Variants in TLN2 observed in about 807,000 individuals in gnomAD.
The protein encoded by TLN2 is talin-2.
In TLN2, 118 loss-of-function variants were observed where a neutral mutation model predicts 294.7. That is an observed-to-expected ratio of 0.40 (90% CI 0.34 to 0.47). The LOEUF is 0.47. TLN2 is among the 20% of genes least tolerant of loss of function. TLN2 has a pLI of 0.84. For missense variants in TLN2, 3,083 were observed against 3,282.2 expected, an observed-to-expected ratio of 0.94 and a Z score of 1.48; for synonymous variants, 1,431 against 1,304.5, an observed-to-expected ratio of 1.10 and a Z score of -2.09.
chr15:62,470,840 C>G (rs2037427571), intron 1 of TLN2, among the ~76,000 whole-genome samples: 1 of 152,160 alleles, frequency 6.6e-6, no homozygotes. Context: ...GAGAACATAT[C>G]AAGACAAAAA....
intron 7 of TLN2, among the ~76,000 whole-genome samples, chr15:62,653,817 C>T (rs1228406679): frequency 6.6e-6 from 1 of 151,626 alleles, no homozygotes; most frequent in East Asian, 1.9e-4. Flanking sequence ...ATATACAAAT[C>T]ATGTTCACAT....
intron 9 of TLN2, among the ~76,000 whole-genome samples, chr15:62,672,495 T>C (rs1046097567): frequency 4.6e-5 from 7 of 152,322 alleles, no homozygotes; most frequent in African/African-American, 1.7e-4. Context: ...TGAGTCATGA[T>C]TGGCCATGAG....
chr15:62,685,484 T>A (rs1347229196), intron 11 of TLN2, among the ~76,000 whole-genome samples: 2 of 152,176 alleles, frequency 1.3e-5, no homozygotes, highest in Non-Finnish European at 2.9e-5. Flanking sequence ...AACTTTTTTT[T>A]AAACTAAATT....
At chr15:62,744,613 C>T (rs2061512653) in intron 32 of TLN2, among the ~76,000 whole-genome samples, 4 of 151,986 alleles carry the variant, frequency 2.6e-5, no homozygotes, top group African/African-American at 9.7e-5. Flanking sequence ...GAGGCGCGAT[C>T]TCGGCTCACT....
intron 11 of TLN2, chr15:62,682,776 T>G (rs2056948471): frequency 6.6e-6 from 1 of 152,172 alleles, no homozygotes; most frequent in African/African-American, 2.4e-5. Context: ...ATGACCAGCA[T>G]AAAATCTTGT....
intron 1 of TLN2, among the ~76,000 whole-genome samples, chr15:62,573,775 C>CTTT (rs58692120): frequency 2.5e-4 from 36 of 145,110 alleles, no homozygotes; most frequent in African/African-American, 6.8e-4. Flanking sequence ...CTTCCTTTTT[C>CTTT]TTTTTTTTTT....
chr15:62,720,000 C>T, intron 25 of TLN2, 120 bp downstream of exon 25: 2 of 678,588 alleles, frequency 2.9e-6, no homozygotes, highest in Non-Finnish European at 4.5e-6. Flanking sequence ...GTAGGCAGGG[C>T]TTGAAGGCCT....
chr15:62,690,454 C>T (rs1251223549), intron 12 of TLN2: 5 of 146,274 alleles, frequency 3.4e-5, no homozygotes, highest in South Asian at 3.2e-4. Context: ...GATGTGATGG[C>T]GGCCGGCCGG....
rs369870993 is a variant in TLN2, at chr15:62,538,427, A to T, written c.-237-51260A>T. 1.4e-4 allele frequency among the ~76,000 whole-genome samples: 22 copies of T among 152,332 alleles called. No homozygotes were observed. In the East Asian group the frequency reaches 3.7e-3, roughly 25 times the overall value. Reference sequence around the variant, plus strand: ...AATACTTTGCATTGAATGCAATATAATTACCCAAGCCCTCAGAGCCTAAAG... The same window carrying T: ...AATACTTTGCATTGAATGCAATATATTTACCCAAGCCCTCAGAGCCTAAAG... On this transcript the variant is annotated intron_variant, in intron 1 of 58. Transcript: ENST00000636159.
chr15:62,783,826 C>A lies in TLN2; in HGVS notation c.5672C>A (p.Thr1891Asn). 6.2e-7 allele frequency: 1 copy of A among 1,613,644 alleles called. No individual in the cohort carries two copies. Among genetic ancestry groups the A allele is most frequent in the East Asian group, 2.2e-5 (1 of 44,860 alleles). The part of the protein sequence containing the change: ...EELGGLASQM[T>N]SDYGHLAFQG... ...TTGGGAGGACTGGCTTCACAAATGACCAGTGACTATGGGCACCTGGCTTTC... is the reference window on the plus strand; with the variant it reads ...TTGGGAGGACTGGCTTCACAAATGAACAGTGACTATGGGCACCTGGCTTTC... Residue 1891 changes from threonine to asparagine, a missense_variant, in exon 45 of 59, where the codon ACC becomes AAC. Transcript: ENST00000636159.
intron 2 of TLN2, among the ~76,000 whole-genome samples, chr15:62,598,548 C>G (rs1287390411): frequency 6.6e-6 from 1 of 152,074 alleles, no homozygotes; most frequent in African/African-American, 2.4e-5. Context: ...GACCTCTTAC[C>G]CAACCCTGCT....
chr15:62,537,464 G>A (rs1286292288), intron 1 of TLN2, among the ~76,000 whole-genome samples: 1 of 152,170 alleles, frequency 6.6e-6, no homozygotes, highest in African/African-American at 2.4e-5. Context: ...TTTACCTGGA[G>A]GTCTCAGCTC....
chr15:62,431,472 A>G (rs1342431237), intron 1 of TLN2, among the ~76,000 whole-genome samples: 1 of 152,182 alleles, frequency 6.6e-6, no homozygotes, highest in African/African-American at 2.4e-5. Context: ...CAATTTAAAC[A>G]TATGTCATAT....
At chr15:62,623,189 G>C (rs950638136) in intron 3 of TLN2, among the ~76,000 whole-genome samples, 2 of 152,198 alleles carry the variant, frequency 1.3e-5, no homozygotes, top group Non-Finnish European at 2.9e-5. Context: ...TACTGTATCC[G>C]TATAAACAAA....
At chr15:62,514,680 G>A (rs1490949910) in intron 1 of TLN2, among the ~76,000 whole-genome samples, 1 of 152,206 alleles carries the variant, frequency 6.6e-6, no homozygotes, top group Non-Finnish European at 1.5e-5. Context: ...GTGTCAGGTT[G>A]TAATTGTAAT....
chr15:62,823,957 T>A, intron 54 of TLN2: 1 of 529,946 alleles, frequency 1.9e-6, no homozygotes, highest in South Asian at 1.4e-5. Flanking sequence ...ATGCCTTTTC[T>A]GCAGGCCTCT....
chr15:62,642,690 G>GT (rs1213553670), intron 3 of TLN2, among the ~76,000 whole-genome samples: 13 of 146,586 alleles, frequency 8.9e-5, no homozygotes, highest in African/African-American at 3.4e-4. Flanking sequence ...TTGTTTGTTT[G>GT]TTTGTTTTCT....
chr15:62,706,097 T>C (rs1387040625), intron 19 of TLN2, among the ~76,000 whole-genome samples: 3 of 152,276 alleles, frequency 2.0e-5, no homozygotes, highest in Non-Finnish European at 2.9e-5. Context: ...TCAAATGTGC[T>C]CTTTATCATC....
At chr15:62,705,594 G>GC (rs1337517713) in intron 19 of TLN2, among the ~76,000 whole-genome samples, 2 of 152,076 alleles carry the variant, frequency 1.3e-5, no homozygotes, top group Non-Finnish European at 1.5e-5. Context: ...CCAAATCCTG[G>GC]CCCCCCATCT....
Sources: allele counts gnomAD v4.1 joint callset (sites outside exome capture counted in the v4.1 genomes callset), GRCh38; gene constraint gnomAD v4.1.1; transcripts MANE v1.5; gene names NCBI Gene and HGNC (gene_info 2026-07-23, HGNC 2026-07-21).